The following AMBRA1 variants were observed in gnomAD, a reference collection of about 807,000 sequenced individuals.
AMBRA1 encodes autophagy and beclin 1 regulator 1, also known as activating molecule in BECN1-regulated autophagy protein 1.
In AMBRA1, 47 loss-of-function variants were observed where a neutral mutation model predicts 125.4. That is an observed-to-expected ratio of 0.37 (90% CI 0.30 to 0.48). AMBRA1 has a LOEUF of 0.48. Ranked by LOEUF, AMBRA1 falls within the 20% of genes least tolerant of loss-of-function variation. The pLI is 0.99. For synonymous variants in AMBRA1, 626 were observed against 655.5 expected (o/e 0.95, Z 0.69); for missense variants, 1,331 against 1,693.4 (o/e 0.79, Z 3.76).
chr11:46,493,728 G>A lies in AMBRA1; in HGVS notation c.2421-20C>T, dbSNP rs772967520. The A allele has an allele frequency of 5.1e-6, 8 of 1,569,208 alleles. No homozygotes were observed. The highest frequency in any genetic ancestry group is 6.9e-6 in the Non-Finnish European group (8 of 1,162,388). ...AAACGCCTACAAGAAGGAATCACATGTGAAAAGCTGACTAAAGACTACCAC... is the reference window on the plus strand; with the variant it reads ...AAACGCCTACAAGAAGGAATCACATATGAAAAGCTGACTAAAGACTACCAC... On this transcript the variant is annotated intron_variant, in intron 10 of 17. Coordinates refer to ENST00000683756, the MANE Select transcript of AMBRA1 (RefSeq NM_001387011.1).
intron 9 of AMBRA1, among the ~76,000 whole-genome samples, chr11:46,497,266 G>A (rs755419125): frequency 3.9e-5 from 6 of 152,148 alleles, no homozygotes; most frequent in Non-Finnish European, 8.8e-5. Flanking sequence ...GCTTTATAGT[G>A]TTTAGAGATT....
intron 11 of AMBRA1, among the ~76,000 whole-genome samples, chr11:46,444,545 G>A (rs1316206469): frequency 1.3e-5 from 2 of 152,108 alleles, no homozygotes. Flanking sequence ...GAACATTCTT[G>A]TATGCTAGCT....
chr11:46,548,270 G>T lies in AMBRA1; in HGVS notation c.111C>A (p.Thr37=). The change falls in exon 2 of 18, where the codon ACC becomes ACA. Residue 37 remains threonine (T), a synonymous_variant. Transcript: ENST00000683756. ...RLLQELVEDK[T]RWMKWEGKRV... The stretch of plus-strand genomic sequence containing the variant: ...CCTTGCCCTCCCATTTCATCCACCG[G>T]GTTTTATCTTCTACCAGCTCCTGCA... 1 of 1,614,004 alleles carries T rather than the reference G, an allele frequency of 6.2e-7. No homozygotes were observed. Among genetic ancestry groups the T allele is most frequent in the East Asian group, 2.2e-5 (1 of 44,878 alleles).
intron 11 of AMBRA1, 86 bp downstream of exon 11, chr11:46,493,522 C>T (rs1950534878): frequency 9.4e-7 from 1 of 1,059,532 alleles, no homozygotes; most frequent in Non-Finnish European, 1.4e-6. Flanking sequence ...AAGACACCAT[C>T]ACATCAACAT....
Position 46,397,190 on chromosome 11 carries a change from C to T in AMBRA1, c.*260G>A. ...GTGGGGTGCCTGGCAGAGATACCCA[C>T]TTGTTCCTCTATTCACATTAAGCCC... On this transcript the variant is annotated 3_prime_UTR_variant, in exon 18 of 18. Coordinates refer to ENST00000683756, the MANE Select transcript of AMBRA1 (RefSeq NM_001387011.1). 1 of 377,054 alleles carries T rather than the reference C, an allele frequency of 2.7e-6. No individual in the cohort carries two copies. Among genetic ancestry groups the T allele is most frequent in the Non-Finnish European group, 4.6e-6 (1 of 215,698 alleles). The allele number at this position is 377,054 out of a possible 1,614,324, so 23.4% of individuals were successfully genotyped here.
At chr11:46,455,413 T>A (rs1948806843) in intron 11 of AMBRA1, among the ~76,000 whole-genome samples, 1 of 152,204 alleles carries the variant, frequency 6.6e-6, no homozygotes, top group South Asian at 2.1e-4. Flanking sequence ...ATAAGCAGAA[T>A]CATTTACTAT....
chr11:46,469,035 C>T (rs1949458385), intron 11 of AMBRA1, among the ~76,000 whole-genome samples: 1 of 151,766 alleles, frequency 6.6e-6, no homozygotes, highest in Non-Finnish European at 1.5e-5. Context: ...CCCAGCTCCT[C>T]AAGAGGCTGA....
intron 5 of AMBRA1, among the ~76,000 whole-genome samples, chr11:46,545,174 GTGGT>G (rs1270610311): frequency 1.1e-4 from 8 of 75,094 alleles, no homozygotes; most frequent in African/African-American, 4.5e-4. Context: ...GGGGGGGGGG[GTGGT>G]GGTGGGCATG....
In AMBRA1 at chr11:46,539,825, G is replaced by A. The variant is rs140128443; in HGVS notation, c.2072+2120C>T. ...ACACATAGTAGGCCCTCAGTAACTG[G>A]TATCTCTTTTTTTCCTTTTTTCTTG... On this transcript the variant is annotated intron_variant, in intron 7 of 17. Transcript: ENST00000683756. 3.9e-5 allele frequency among the ~76,000 whole-genome samples: 6 copies of A among 152,106 alleles called. No homozygotes were observed. The East Asian group carries it at 9.7e-4, about 25-fold the overall frequency.
At chr11:46,412,520 G>A (rs1247084094) in intron 15 of AMBRA1, among the ~76,000 whole-genome samples, 3 of 151,984 alleles carry the variant, frequency 2.0e-5, no homozygotes, top group Non-Finnish European at 4.4e-5. Flanking sequence ...CAAATTTCTG[G>A]GCTAAAAAAT....
intron 17 of AMBRA1, among the ~76,000 whole-genome samples, chr11:46,398,230 C>T (rs79221994): frequency 0.018 from 2,779 of 152,350 alleles, 36 homozygotes; most frequent in Non-Finnish European, 0.028. Context: ...AATGAGTTCT[C>T]TCAGCACCAG....
At chr11:46,575,431 T>C (rs2135290186) in intron 1 of AMBRA1, among the ~76,000 whole-genome samples, 1 of 147,548 alleles carries the variant, frequency 6.8e-6, no homozygotes, top group East Asian at 2.0e-4. Flanking sequence ...CACTCTAGCC[T>C]GGGCAACAAG....
At position 46,443,469 on chromosome 11, in the gene AMBRA1, C is replaced by G. The variant is rs1194612971; in HGVS notation, c.2632+19G>C. The G allele has an allele frequency of 1.3e-6, 2 of 1,591,568 alleles. No individual in the cohort carries two copies. Among genetic ancestry groups the G allele is most frequent in the African/African-American group, 1.3e-5 (1 of 74,476 alleles). On this transcript the variant is annotated intron_variant, in intron 12 of 17. Transcript: ENST00000683756. ...AAATATAACCCTTCCACTGATACCC[C>G]CATTTGACATTGACTTACCATTACT...
rs567501913 is a variant in AMBRA1, at chr11:46,479,598, G to C, written c.2521+14010C>G. On this transcript the variant is annotated intron_variant, in intron 11 of 17. Coordinates refer to ENST00000683756, the MANE Select transcript of AMBRA1 (RefSeq NM_001387011.1). ...TGTAATCCCAGCTACTAGGGAGGCTGAGGCAGGAGAATCACTTGAACCCAG... is the reference window on the plus strand; with the variant it reads ...TGTAATCCCAGCTACTAGGGAGGCTCAGGCAGGAGAATCACTTGAACCCAG... 2.6e-5 allele frequency among the ~76,000 whole-genome samples: 4 copies of C among 152,120 alleles called. No homozygotes were observed. The South Asian group carries it at 8.3e-4, about 32-fold the overall frequency.
intron 7 of AMBRA1, among the ~76,000 whole-genome samples, chr11:46,516,593 G>C (rs1951500050): frequency 2.0e-5 from 3 of 151,918 alleles, no homozygotes; most frequent in Non-Finnish European, 4.4e-5. Context: ...ACCATGCCTG[G>C]CTAATTTCTT....
intron 1 of AMBRA1, among the ~76,000 whole-genome samples, chr11:46,571,881 G>T (rs2043772873): frequency 6.6e-6 from 1 of 151,660 alleles, no homozygotes; most frequent in Non-Finnish European, 1.5e-5. Context: ...GTAGAGACAG[G>T]GTTTCACCAT....
intron 14 of AMBRA1, among the ~76,000 whole-genome samples, chr11:46,432,272 T>A (rs955518342): frequency 9.9e-5 from 15 of 152,156 alleles, no homozygotes; most frequent in African/African-American, 3.6e-4. Context: ...GAACGAGTGA[T>A]CAATTCTATT....
Position 46,538,027 on chromosome 11 carries a change from G to A in AMBRA1, c.2072+3918C>T, listed in dbSNP as rs144560830. Among the ~76,000 whole-genome samples the A allele has an allele frequency of 4.2e-3, 636 of 152,266 alleles. 3 individuals carry two copies. The highest frequency in any genetic ancestry group is 0.013 in the African/African-American group (534 of 41,542). On this transcript the variant is annotated intron_variant, in intron 7 of 17. Coordinates refer to ENST00000683756, the MANE Select transcript of AMBRA1 (RefSeq NM_001387011.1). ...CAGCCCAACAGTGACACCTGCTGGA[G>A]AACTAGAAGCAAGGGTTGGCTCATC...
At chr11:46,413,554 G>C (rs1946392570) in intron 15 of AMBRA1, among the ~76,000 whole-genome samples, 1 of 151,098 alleles carries the variant, frequency 6.6e-6, no homozygotes, top group South Asian at 2.1e-4. Context: ...GCAATGGTGT[G>C]ATCTCGGCTC....
Sources: gnomAD v4.1 joint callset for allele counts (sites outside exome capture counted in the v4.1 genomes callset) on GRCh38, gnomAD v4.1.1 for gene constraint, MANE v1.5 for transcripts, NCBI Gene and HGNC (gene_info 2026-07-23, HGNC 2026-07-21) for gene names.